Variants in PNPLA7 observed in about 807,000 individuals in gnomAD.
PNPLA7 encodes the protein patatin-like phospholipase domain-containing protein 7.
PNPLA7 carries 153 observed loss-of-function variants against 161.7 expected under a neutral mutation model. The ratio of observed to expected loss-of-function variants is 0.95; its 90% CI spans 0.83 to 1.08. The LOEUF is 1.08. Among genes scored for constraint, PNPLA7 ranks in the 50% least tolerant of loss-of-function variants. The pLI is 0.00. For missense variants in PNPLA7, 1,739 were observed against 1,856.6 expected (o/e 0.94, Z 1.16); for synonymous variants, 809 against 782.1 (o/e 1.03, Z -0.57).
At chr9:137,528,091 G>A (rs1835391801) in intron 8 of PNPLA7, among the ~76,000 whole-genome samples, 1 of 152,186 alleles carries the variant, frequency 6.6e-6, no homozygotes, top group African/African-American at 2.4e-5. Context: ...GTAGACATGT[G>A]CACTCTTTCA....
intron 8 of PNPLA7, among the ~76,000 whole-genome samples, chr9:137,527,074 C>T (rs932747413): frequency 6.6e-6 from 1 of 151,986 alleles, no homozygotes; most frequent in Non-Finnish European, 1.5e-5. Flanking sequence ...CAAGACCAGC[C>T]TGGCCAAGAT....
intron 8 of PNPLA7, among the ~76,000 whole-genome samples, chr9:137,533,781 G>A (rs1173480258): frequency 6.9e-6 from 1 of 145,200 alleles, no homozygotes; most frequent in Non-Finnish European, 1.5e-5. Flanking sequence ...CACTCTAGAC[G>A]GGGGCACTCC....
rs536005366 is a variant in PNPLA7 at position 137,486,791 on chromosome 9, G to A, written c.2198-2055C>T. On this transcript the variant is annotated intron_variant, in intron 20 of 34. Transcript: ENST00000406427. The surrounding 1 kb of genome is among the most constrained non-coding windows in gnomAD (Gnocchi z 6.0). ...TGGCCTTCGACGCCCAAGTCTGCCC[G>A]GAGCCTTTTTTGCTCAAAGCCCCTG... Among the ~76,000 whole-genome samples, 8 of 151,594 alleles carry A rather than the reference G, an allele frequency of 5.3e-5. No individual in the cohort carries two copies. The highest frequency in any genetic ancestry group is 2.1e-4 in the South Asian group (1 of 4,810).
chr9:137,506,132 C>G (rs1203980133), intron 12 of PNPLA7, 49 bp from the exon 13 acceptor site: 2 of 1,508,064 alleles, frequency 1.3e-6, no homozygotes, highest in Middle Eastern at 1.7e-4. Context: ...GCCACTGACA[C>G]AAACGTCCGC....
chr9:137,501,580 C>T (rs1250104786), intron 15 of PNPLA7, 70 bp downstream of exon 15: 15 of 1,465,516 alleles, frequency 1.0e-5, no homozygotes, highest in East Asian at 2.4e-5. Context: ...AGGCCCTCCT[C>T]TGGTGCTCCA....
At chr9:137,475,283 G>T (rs1445771292) in intron 25 of PNPLA7, among the ~76,000 whole-genome samples, 1 of 152,150 alleles carries the variant, frequency 6.6e-6, no homozygotes, top group Non-Finnish European at 1.5e-5. Context: ...AGGCTGAGTG[G>T]GGAGGATTGC....
At chr9:137,501,425 GC>G (rs1833408308) in intron 15 of PNPLA7, among the ~76,000 whole-genome samples, 1 of 152,226 alleles carries the variant, frequency 6.6e-6, no homozygotes, top group Admixed American at 6.5e-5. Flanking sequence ...ACTCTCAGGT[GC>G]GAGCAGAAGG....
chr9:137,480,734 G>C, intron 22 of PNPLA7: 1 of 719,398 alleles, frequency 1.4e-6, no homozygotes, highest in Non-Finnish European at 2.3e-6. Context: ...GGGCTGCCCA[G>C]GCGGGAAGCG....
Position 137,522,754 on chromosome 9 carries a change from G to T in PNPLA7, c.851C>A (p.Pro284Gln), listed in dbSNP as rs757158027. The part of the protein sequence containing the change: ...AAFHGVFEKY[P>Q]ETLVRVVQII... The stretch of plus-strand genomic sequence containing the variant: ...CTGCACCACCCTCACCAGAGTTTCC[G>T]GATATTTCTCAAAAACTCCATGAAA... Residue 284 changes from proline (P) to glutamine (Q), a missense_variant, in exon 9 of 35, where the codon CCG (proline) becomes CAG (glutamine). Transcript: ENST00000406427. The T allele has an allele frequency of 6.2e-7, 1 of 1,613,544 alleles. No individual in the cohort carries two copies. Among genetic ancestry groups the T allele is most frequent in the African/African-American group, 1.3e-5 (1 of 74,924 alleles).
rs574572634 is a variant in PNPLA7 at position 137,522,138 on chromosome 9, C to G, written c.877-422G>C. 3.6e-3 allele frequency among the ~76,000 whole-genome samples: 548 copies of G among 152,218 alleles called. 3 individuals carry two copies. The highest frequency in any genetic ancestry group is 0.012 in the African/African-American group (487 of 41,526). ...CGCCCAGGCTGGAGTGCAGTGGCACCATCTCGGCTCACTGCAAGCTCCGCC... is the reference window on the plus strand; with the variant it reads ...CGCCCAGGCTGGAGTGCAGTGGCACGATCTCGGCTCACTGCAAGCTCCGCC... On this transcript the variant is annotated intron_variant, in intron 9 of 34. Coordinates refer to ENST00000406427, the MANE Select transcript of PNPLA7 (RefSeq NM_001098537.3).
At chr9:137,473,358 A>G (rs534682453) in intron 25 of PNPLA7, among the ~76,000 whole-genome samples, 2 of 152,322 alleles carry the variant, frequency 1.3e-5, no homozygotes, top group South Asian at 4.1e-4. Flanking sequence ...AGCATACAGG[A>G]TAGAATAGAA....
chr9:137,464,808 G>A (rs533034317), intron 26 of PNPLA7: 2 of 294,544 alleles, frequency 6.8e-6, no homozygotes, highest in East Asian at 8.0e-5. Context: ...GTGGCTGGAG[G>A]GTCAGCGAGG....
Position 137,505,988 on chromosome 9 carries a change from T to C in PNPLA7, c.1321A>G (p.Ser441Gly). ...SDEHPGSSVASKSRKSVMVAE... is the reference protein window; with the variant it reads ...SDEHPGSSVAGKSRKSVMVAE... ...GAATGACAGCCAGGGCCTACCTTGC[T>C]GGCCACGGAGCTCCCGGGGTGCTCG... is the stretch of plus-strand genomic sequence containing the variant. The change falls in exon 13 of 35, where the codon AGC (serine) becomes GGC (glycine). Residue 441 changes from serine to glycine, a missense_variant. This residue lies in a region of PNPLA7 where 481 missense variants were observed against 450.0 expected (regional missense o/e 1.07). Transcript: ENST00000406427. 1 of 1,609,342 alleles carries C rather than the reference T, an allele frequency of 6.2e-7. No homozygotes were observed. Among genetic ancestry groups the C allele is most frequent in the South Asian group, 1.1e-5 (1 of 90,314 alleles).
rs1309231378 is a variant in PNPLA7 at position 137,508,339 on chromosome 9, G to A, written c.1226-2256C>T. On this transcript the variant is annotated intron_variant, in intron 12 of 34. Transcript: ENST00000406427. ...TCCCAGCACTTTGGGAGGACGAGGC[G>A]GGCGGATCACGAGGTCAGGAGATCG... 3.9e-5 allele frequency among the ~76,000 whole-genome samples: 6 copies of A among 152,290 alleles called. No individual in the cohort carries two copies. In the South Asian group the frequency reaches 8.3e-4, roughly 21 times the overall value.
chr9:137,471,241 C>G (rs984542915), intron 25 of PNPLA7, among the ~76,000 whole-genome samples: 28 of 152,206 alleles, frequency 1.8e-4, no homozygotes, highest in Non-Finnish European at 7.3e-5. Flanking sequence ...GATATAAGAT[C>G]AATTTATAAA....
intron 20 of PNPLA7, chr9:137,491,344 A>G: frequency 2.0e-6 from 1 of 488,278 alleles, no homozygotes; most frequent in Non-Finnish European, 2.7e-6. Context: ...AACAAAATGG[A>G]AGACGTAACA....
rs561933706 is a variant in PNPLA7 at position 137,543,320 on chromosome 9, G to A, written c.506+112C>T. ...ACAGACACCAGCAGCCCCACGATGC[G>A]CTTTGCCAACCATTCCCCCAACACA... On this transcript the variant is annotated intron_variant, in intron 6 of 34. Transcript: ENST00000406427. The surrounding 1 kb of genome is among the most constrained non-coding windows in gnomAD (Gnocchi z 6.9). 344 of 1,384,240 alleles carry A rather than the reference G, an allele frequency of 2.5e-4. 1 individual carries two copies. In the South Asian group the frequency reaches 3.8e-3, roughly 15 times the overall value. The allele number at this position is 1,384,240 out of a possible 1,614,324, so 85.7% of individuals were successfully genotyped here. A position where few individuals can be genotyped will look rare whatever the true frequency, so the allele number is the denominator to read the frequency against.
At chr9:137,508,168 G>A (rs1368797125) in intron 12 of PNPLA7, among the ~76,000 whole-genome samples, 1 of 152,122 alleles carries the variant, frequency 6.6e-6, no homozygotes, top group Non-Finnish European at 1.5e-5. Flanking sequence ...CGAGGCTGCA[G>A]TGAGTTGTGA....
intron 8 of PNPLA7, among the ~76,000 whole-genome samples, chr9:137,531,904 G>A (rs962964812): frequency 3.9e-5 from 6 of 152,116 alleles, no homozygotes; most frequent in Non-Finnish European, 8.8e-5. Flanking sequence ...ATATAACCTG[G>A]GTTCGAGTTA....
Sources: allele counts gnomAD v4.1 joint callset (sites outside exome capture counted in the v4.1 genomes callset), GRCh38; gene constraint gnomAD v4.1.1; regional missense constraint gnomAD v4.1.1; non-coding constraint Gnocchi (gnomAD v3.1); transcripts MANE v1.5; gene names NCBI Gene and HGNC (gene_info 2026-07-23, HGNC 2026-07-21).